Variants in ZFP92 observed in about 807,000 individuals in gnomAD.
The protein encoded by ZFP92 is ZFP92 zinc finger protein.
ZFP92 carries 2 observed loss-of-function variants against 7.6 expected under a neutral mutation model. That is an observed-to-expected ratio of 0.26 (90% CI 0.11 to 0.83). ZFP92 has a LOEUF of 0.83. Ranked by LOEUF, ZFP92 falls within the 40% of genes least tolerant of loss-of-function variation. The pLI is 0.65. For synonymous variants in ZFP92, 226 were observed against 183.6 expected (o/e 1.23, Z -1.87); for missense variants, 324 against 408.3 (o/e 0.79, Z 1.78).
At chrX:153,415,878 C>T (rs1177235477) in intron 2 of ZFP92, among the ~76,000 whole-genome samples, 1 of 111,209 alleles carries the variant, frequency 9.0e-6, no homozygotes, top group Non-Finnish European at 1.9e-5. Context: ...AGTTATGATC[C>T]CCTACTTCCT....
rs963583734 is a variant in ZFP92, at chrX:153,418,660, T to C, written c.34-13T>C. 3.5e-5 allele frequency: 41 copies of C among 1,167,023 alleles called. No individual in the cohort carries two copies. Among genetic ancestry groups the C allele is most frequent in the Non-Finnish European group, 4.5e-5 (39 of 872,720 alleles). ...TTGAATTCCCCTGTGGCCACAAGAA[T>C]GCCTTATTTTAGGTGCCAGTATCTT... On this transcript the variant is annotated splice_polypyrimidine_tract_variant and intron_variant, in intron 3 of 5. Transcript: ENST00000338647.
In ZFP92 at chrX:153,425,390, G is replaced by A. The variant is rs1556976230; in HGVS notation, c.*3762G>A. ...AGCTTAGAAGGGCAGAGAGGTTTCA[G>A]TAGGACATGTATGGGCTAAAGGGTC... On this transcript the variant is annotated 3_prime_UTR_variant, in exon 6 of 6. Transcript: ENST00000338647. The A allele has an allele frequency of 8.9e-6, 1 of 111,813 alleles. No homozygotes were observed. The highest frequency in any genetic ancestry group is 1.9e-5 in the Non-Finnish European group (1 of 53,173). 9.2% of individuals were successfully genotyped at this position (111,813 alleles called of 1,213,427 possible).
At chrX:153,414,601 G>A (rs2088935654) in intron 2 of ZFP92, among the ~76,000 whole-genome samples, 1 of 111,464 alleles carries the variant, frequency 9.0e-6, no homozygotes, top group Admixed American at 9.5e-5. Context: ...CACCCACCTC[G>A]GCCTCCCAAA....
In ZFP92 at chrX:153,421,576, G is replaced by GC; in HGVS notation, c.1205dup (p.Arg403AlafsTer107). 6.7e-6 allele frequency: 7 copies of GC among 1,046,733 alleles called. No homozygotes were observed. The highest frequency in any genetic ancestry group is 9.1e-5 in the Admixed American group (2 of 22,054). 86.3% of individuals were successfully genotyped at this position (1,046,733 alleles called of 1,213,427 possible). A position where few individuals can be genotyped will look rare whatever the true frequency, so the allele number is the denominator to read the frequency against. ...CCTGGGAGCGCGGTGGCGGCCACCA[G>GC]CCCCCCGCGGCCGAGCACAGCCGCC... is the stretch of plus-strand genomic sequence containing the variant. On this transcript the variant is annotated frameshift_variant, in exon 6 of 6. Coordinates refer to ENST00000338647, the MANE Select transcript of ZFP92 (RefSeq NM_001136273.2). LOFTEE classifies it low-confidence loss of function (END_TRUNC).
chrX:153,421,127 G>C lies in ZFP92; in HGVS notation c.750G>C (p.Ala250=). 1.7e-6 allele frequency: 2 copies of C among 1,169,544 alleles called. No individual in the cohort carries two copies. The highest frequency in any genetic ancestry group is 3.2e-5 in the East Asian group (1 of 31,472). ...DCGKLFRRSF[A]LLEHARVHSG... ...GCAAACTGTTCCGCCGCAGCTTCGC[G>C]CTCCTGGAGCACGCGCGCGTGCACA... Residue 250 remains alanine, a synonymous_variant, in exon 6 of 6, where the codon GCG becomes GCC. Coordinates refer to ENST00000338647, the MANE Select transcript of ZFP92 (RefSeq NM_001136273.2).
intron 2 of ZFP92, among the ~76,000 whole-genome samples, chrX:153,412,257 C>T (rs1201511979): frequency 1.8e-5 from 2 of 112,161 alleles, no homozygotes; most frequent in Admixed American, 9.4e-5. Context: ...AGCGAAGGGC[C>T]GATGGAAGTG....
Position 153,420,273 on chromosome X carries a change from G to T in ZFP92, c.206G>T (p.Gly69Val). ...KPHLISQLER[G>V]EGPWVADIPR... is the part of the protein sequence containing the mutation. ...CACCTGATCTCCCAATTGGAACGAG[G>T]GGAAGGACCCTGGGTAGCAGACATC... The change falls in exon 5 of 6, where the codon GGG becomes GTG. Residue 69 changes from glycine to valine, a missense_variant. Coordinates refer to ENST00000338647, the MANE Select transcript of ZFP92 (RefSeq NM_001136273.2). The T allele has an allele frequency of 8.6e-7, 1 of 1,167,928 alleles. No homozygotes were observed.
rs1256243332 is a variant in ZFP92, at chrX:153,424,784, T to A, written c.*3156T>A. ...CGTTGTGAAATGGAACTGTCCCATT[T>A]ACTTTGGTTGCAAATAAGGAAGATG... On this transcript the variant is annotated 3_prime_UTR_variant, in exon 6 of 6. Coordinates refer to ENST00000338647, the MANE Select transcript of ZFP92 (RefSeq NM_001136273.2). The A allele has an allele frequency of 9.7e-5, 11 of 113,057 alleles. No individual in the cohort carries two copies. Among genetic ancestry groups the A allele is most frequent in the Non-Finnish European group, 2.1e-4 (11 of 53,419 alleles). The allele number at this position is 113,057 out of a possible 1,213,427, so 9.3% of individuals were successfully genotyped here. A position where few individuals can be genotyped will look rare whatever the true frequency, so the allele number is the denominator to read the frequency against.
At chrX:153,420,366 G>C in intron 5 of ZFP92, 34 bp downstream of exon 5, 1 of 1,118,835 alleles carries the variant, frequency 8.9e-7, no homozygotes, top group Non-Finnish European at 1.2e-6. Context: ...CTCCCCATCG[G>C]GGTAAAAAGA....
intron 5 of ZFP92, 83 bp downstream of exon 5, chrX:153,420,415 C>A: frequency 2.1e-6 from 2 of 963,599 alleles, no homozygotes; most frequent in Non-Finnish European, 2.8e-6. Flanking sequence ...GGTACCCTGC[C>A]GCTTTGGGTG....
At position 153,425,193 on chromosome X, in the gene ZFP92, C is replaced by A. The variant is rs1556976208; in HGVS notation, c.*3565C>A. The A allele has an allele frequency of 8.9e-6, 1 of 112,568 alleles. No homozygotes were observed. 9.3% of individuals were successfully genotyped at this position (112,568 alleles called of 1,213,427 possible). A position where few individuals can be genotyped will look rare whatever the true frequency, so the allele number is the denominator to read the frequency against. The stretch of plus-strand genomic sequence containing the variant: ...AGCTGTGTGTTCTTTCCAGTCGCTT[C>A]TGTTCCCAGACTTCAGGCAACATGG... On this transcript the variant is annotated 3_prime_UTR_variant, in exon 6 of 6. Transcript: ENST00000338647.
In ZFP92 at chrX:153,423,969, G is replaced by T. The variant is rs782231268; in HGVS notation, c.*2341G>T. The T allele has an allele frequency of 8.9e-6, 1 of 112,837 alleles. No individual in the cohort carries two copies. Among genetic ancestry groups the T allele is most frequent in the Non-Finnish European group, 1.9e-5 (1 of 53,410 alleles). 9.3% of individuals were successfully genotyped at this position (112,837 alleles called of 1,213,427 possible). A position where few individuals can be genotyped will look rare whatever the true frequency, so the allele number is the denominator to read the frequency against. ...TCCACGCACTCTGATACCCATTTCC[G>T]TTGTTCTAGGAGGTAAATGATTTCG... On this transcript the variant is annotated 3_prime_UTR_variant, in exon 6 of 6. Coordinates refer to ENST00000338647, the MANE Select transcript of ZFP92 (RefSeq NM_001136273.2).
chrX:153,422,768 TTTGA>T lies in ZFP92; in HGVS notation c.*1144_*1147del, dbSNP rs2089014980. 1 of 112,754 alleles carries T rather than the reference TTTGA, an allele frequency of 8.9e-6. No homozygotes were observed. The allele number at this position is 112,754 out of a possible 1,213,427, so 9.3% of individuals were successfully genotyped here. A position where few individuals can be genotyped will look rare whatever the true frequency, so the allele number is the denominator to read the frequency against. On this transcript the variant is annotated 3_prime_UTR_variant, in exon 6 of 6. Coordinates refer to ENST00000338647, the MANE Select transcript of ZFP92 (RefSeq NM_001136273.2). ...TGTAGAATACTGGACGTTCCGTTGC[TTTGA>T]TTGTTTTTGTATTCAGGGGTAATGT...
Position 153,420,239 on chromosome X carries a change from T to C in ZFP92, c.172T>C (p.Ser58Pro), listed in dbSNP as rs1482954866. ...SHLVSLGFSF[S>P]KPHLISQLER... ...TATTCCACGCCCAGGATTTTCCTTC[T>C]CCAAGCCTCACCTGATCTCCCAATT... is the stretch of plus-strand genomic sequence containing the variant. Residue 58 changes from serine to proline, a missense_variant, in exon 5 of 6, where the codon TCC (serine) becomes CCC (proline). Transcript: ENST00000338647. 2 of 1,165,506 alleles carry C rather than the reference T, an allele frequency of 1.7e-6. No individual in the cohort carries two copies. Among genetic ancestry groups the C allele is most frequent in the Non-Finnish European group, 2.3e-6 (2 of 872,337 alleles).
chrX:153,417,272 C>T (rs2088959954), intron 2 of ZFP92, among the ~76,000 whole-genome samples: 1 of 112,452 alleles, frequency 8.9e-6, no homozygotes, highest in Non-Finnish European at 1.9e-5. Flanking sequence ...ATCCTCTGCG[C>T]CTGTTCCCTA....
At position 153,421,860 on chromosome X, in the gene ZFP92, A is replaced by C; in HGVS notation, c.*232A>C. 1 of 300,952 alleles carries C rather than the reference A, an allele frequency of 3.3e-6. No individual in the cohort carries two copies. Among genetic ancestry groups the C allele is most frequent in the East Asian group, 7.9e-5 (1 of 12,643 alleles). 24.8% of individuals were successfully genotyped at this position (300,952 alleles called of 1,213,427 possible). ...GCCGCCTGCCCTGGCTCCTCCATCAACGGCAGTGCGGGCTGGGAATGGAGG... is the reference window on the plus strand; with the variant it reads ...GCCGCCTGCCCTGGCTCCTCCATCACCGGCAGTGCGGGCTGGGAATGGAGG... On this transcript the variant is annotated 3_prime_UTR_variant, in exon 6 of 6. Transcript: ENST00000338647.
chrX:153,423,066 G>A lies in ZFP92; in HGVS notation c.*1438G>A, dbSNP rs1273318174. The A allele has an allele frequency of 8.9e-6, 1 of 112,503 alleles. No homozygotes were observed. The highest frequency in any genetic ancestry group is 9.3e-5 in the Admixed American group (1 of 10,749). 9.3% of individuals were successfully genotyped at this position (112,503 alleles called of 1,213,427 possible). ...GGGAATTCTCAAGGAAAAGTCTCAG[G>A]GCTGGCAGAGGCAGCTGCTGGCAGG... On this transcript the variant is annotated 3_prime_UTR_variant, in exon 6 of 6. Transcript: ENST00000338647.
intron 2 of ZFP92, among the ~76,000 whole-genome samples, chrX:153,417,927 G>A (rs1259818841): frequency 8.9e-6 from 1 of 111,927 alleles, no homozygotes; most frequent in Non-Finnish European, 1.9e-5. Flanking sequence ...CACACACAGA[G>A]AGAGGATGGC....
chrX:153,423,716 C>T lies in ZFP92; in HGVS notation c.*2088C>T, dbSNP rs1369017975. 1 of 113,766 alleles carries T rather than the reference C, an allele frequency of 8.8e-6. No homozygotes were observed. The highest frequency in any genetic ancestry group is 1.9e-5 in the Non-Finnish European group (1 of 53,522). The allele number at this position is 113,766 out of a possible 1,213,427, so 9.4% of individuals were successfully genotyped here. ...AGCCTTGCCTTGAGGCAATCCGAAG[C>T]ATCTACGACTTTGGGTTTTCCAGAA... On this transcript the variant is annotated 3_prime_UTR_variant, in exon 6 of 6. Coordinates refer to ENST00000338647, the MANE Select transcript of ZFP92 (RefSeq NM_001136273.2).
Sources: allele counts gnomAD v4.1 joint callset (sites outside exome capture counted in the v4.1 genomes callset), GRCh38; gene constraint gnomAD v4.1.1; transcripts MANE v1.5; gene names NCBI Gene and HGNC (gene_info 2026-07-23, HGNC 2026-07-21).